The following CMC1 variants were observed in gnomAD, a reference collection of about 807,000 sequenced individuals.
The protein encoded by CMC1 is C-X9-C motif containing 1, also known as COX assembly mitochondrial protein homolog.
In CMC1, 14 loss-of-function variants were observed where a neutral mutation model predicts 14.1. That is an observed-to-expected ratio of 0.99 (90% CI 0.66 to 1.55). CMC1 has a LOEUF of 1.55. Ranked by LOEUF, CMC1 falls within the 40% of genes most tolerant of loss-of-function variation. The probability of loss-of-function intolerance (pLI) is 0.00; values close to 1 mark genes in which losing one functional copy is unlikely to be tolerated. For missense variants in CMC1, 127 were observed against 123.8 expected, an observed-to-expected ratio of 1.03 and a Z score of -0.12; for synonymous variants, 50 against 38.4, an observed-to-expected ratio of 1.30 and a Z score of -1.12.
intron 2 of CMC1, among the ~76,000 whole-genome samples, chr3:28,301,628 GTT>G (rs1006947075): frequency 4.3e-4 from 61 of 141,288 alleles, no homozygotes; most frequent in African/African-American, 1.7e-3. Flanking sequence ...TATGGATGCT[GTT>G]TTTTTTTTTT....
In CMC1 at chr3:28,288,656, G is replaced by C. The variant is rs186555095; in HGVS notation, c.109+25276G>C. 4.8e-3 allele frequency among the ~76,000 whole-genome samples: 732 copies of C among 152,060 alleles called. 3 individuals are homozygous for C. The highest frequency in any genetic ancestry group is 6.9e-3 in the Non-Finnish European group (469 of 67,870). ...AAGGAATATAAACATTTAAATCATA[G>C]TTGAGAGGAAAAACAAAAAAGAAAG... On this transcript the variant is annotated intron_variant, in intron 2 of 3. Transcript: ENST00000466830.
intron 2 of CMC1, among the ~76,000 whole-genome samples, chr3:28,311,478 G>C (rs1702637261): frequency 6.6e-6 from 1 of 152,170 alleles, no homozygotes; most frequent in Non-Finnish European, 1.5e-5. Context: ...GTGTGTCCCT[G>C]TGGCCTTGAT....
At chr3:28,242,480 A>G (rs1425875091) in intron 1 of CMC1, among the ~76,000 whole-genome samples, 1 of 152,204 alleles carries the variant, frequency 6.6e-6, no homozygotes, top group Non-Finnish European at 1.5e-5. Flanking sequence ...CATTTCTTTC[A>G]TTTTATGGAT....
intron 2 of CMC1, among the ~76,000 whole-genome samples, chr3:28,271,456 G>A (rs1440003897): frequency 6.6e-6 from 1 of 152,146 alleles, no homozygotes; most frequent in Admixed American, 6.5e-5. Flanking sequence ...TATTAAATAG[G>A]GAATCCTTTC....
intron 1 of CMC1, among the ~76,000 whole-genome samples, chr3:28,256,260 A>G (rs954340421): frequency 6.6e-6 from 1 of 151,636 alleles, no homozygotes; most frequent in Non-Finnish European, 1.5e-5. Context: ...GGTTTATGTG[A>G]TTGTAGGGAC....
At chr3:28,296,077 C>T (rs1247972773) in intron 2 of CMC1, among the ~76,000 whole-genome samples, 1 of 152,218 alleles carries the variant, frequency 6.6e-6, no homozygotes, top group Admixed American at 6.5e-5. Context: ...ACCCTGAGTA[C>T]ACATACATAT....
intron 1 of CMC1, among the ~76,000 whole-genome samples, chr3:28,258,534 A>C (rs866549564): frequency 6.6e-6 from 1 of 150,624 alleles, no homozygotes; most frequent in Non-Finnish European, 1.5e-5. Context: ...CCATTTGTCG[A>C]AAATAATTTT....
intron 2 of CMC1, among the ~76,000 whole-genome samples, chr3:28,302,313 C>A (rs1263126117): frequency 2.0e-5 from 3 of 152,158 alleles, no homozygotes; most frequent in Non-Finnish European, 2.9e-5. Flanking sequence ...GCTCCATGTT[C>A]AAAAGTTTGC....
chr3:28,273,276 G>A (rs971968014), intron 2 of CMC1, among the ~76,000 whole-genome samples: 1 of 152,080 alleles, frequency 6.6e-6, no homozygotes, highest in Non-Finnish European at 1.5e-5. Context: ...CATCCCAGAG[G>A]TTCTGGTATG....
intron 2 of CMC1, among the ~76,000 whole-genome samples, chr3:28,283,553 A>AC (rs1553617262): frequency 6.5e-5 from 5 of 77,258 alleles, no homozygotes; most frequent in Non-Finnish European, 1.5e-4. Flanking sequence ...AACAAAAACA[A>AC]AAAAAAAAAA....
At chr3:28,274,206 GT>G (rs1265139321) in intron 2 of CMC1, among the ~76,000 whole-genome samples, 1 of 83,096 alleles carries the variant, frequency 1.2e-5, no homozygotes, top group Non-Finnish European at 2.5e-5. Flanking sequence ...GTACTAAAGT[GT>G]TTTTGTTTTT....
chr3:28,285,483 T>G, intron 2 of CMC1, among the ~76,000 whole-genome samples: 1 of 151,934 alleles, frequency 6.6e-6, no homozygotes, highest in Non-Finnish European at 1.5e-5. Context: ...AATGTGTACA[T>G]AAGGGTACAG....
At chr3:28,257,436 G>GT (rs1576988609) in intron 1 of CMC1, among the ~76,000 whole-genome samples, 2 of 152,070 alleles carry the variant, frequency 1.3e-5, no homozygotes, top group South Asian at 2.1e-4. Flanking sequence ...TAGTATCATT[G>GT]TTTTTTATCA....
At chr3:28,242,153 T>G (rs1159504561) in intron 1 of CMC1, among the ~76,000 whole-genome samples, 2 of 152,240 alleles carry the variant, frequency 1.3e-5, no homozygotes, top group Non-Finnish European at 2.9e-5. Flanking sequence ...CAGAAAAATT[T>G]GTATATTTGT....
At position 28,301,517 on chromosome 3, in the gene CMC1, G is replaced by A. The variant is rs141023670; in HGVS notation, c.110-14816G>A. On this transcript the variant is annotated intron_variant, in intron 2 of 3. Coordinates refer to ENST00000466830, the MANE Select transcript of CMC1 (RefSeq NM_182523.2). The stretch of plus-strand genomic sequence containing the variant: ...ATTACAGGCGTGAGCCACTGCACTC[G>A]GCTTACTGATTTATTTTTGTTAAGA... 6.1e-4 allele frequency among the ~76,000 whole-genome samples: 93 copies of A among 152,188 alleles called. 2 individuals are homozygous for A. The highest frequency in any genetic ancestry group is 1.2e-3 in the South Asian group (6 of 4,824).
At chr3:28,264,732 A>C (rs1699918977) in intron 2 of CMC1, among the ~76,000 whole-genome samples, 1 of 152,150 alleles carries the variant, frequency 6.6e-6, no homozygotes, top group Admixed American at 6.6e-5. Context: ...GGGGAGATAA[A>C]ACTTAAAAAC....
At chr3:28,289,273 C>T (rs1483153903) in intron 2 of CMC1, among the ~76,000 whole-genome samples, 2 of 151,822 alleles carry the variant, frequency 1.3e-5, no homozygotes, top group African/African-American at 4.8e-5. Flanking sequence ...AGCAAATAAA[C>T]TTTAGCTAGG....
At chr3:28,296,672 C>T (rs968901426) in intron 2 of CMC1, among the ~76,000 whole-genome samples, 1 of 151,892 alleles carries the variant, frequency 6.6e-6, no homozygotes, top group Non-Finnish European at 1.5e-5. Flanking sequence ...AAATGTAGAA[C>T]ACAAGTAAAT....
chr3:28,316,909 A>G (rs1702954152), intron 3 of CMC1: 2 of 152,138 alleles, frequency 1.3e-5, no homozygotes. Flanking sequence ...AAATAATTTT[A>G]TAATATCGTG....
Sources: allele counts gnomAD v4.1 joint callset (sites outside exome capture counted in the v4.1 genomes callset), GRCh38; gene constraint gnomAD v4.1.1; transcripts MANE v1.5; gene names NCBI Gene and HGNC (gene_info 2026-07-23, HGNC 2026-07-21).